RARB: variants seen among roughly 807,000 people sequenced by gnomAD.
RARB encodes HBV-activated protein.
In RARB, 17 loss-of-function variants were observed where a neutral mutation model predicts 51.9. The ratio of observed to expected loss-of-function variants is 0.33; its 90% CI spans 0.22 to 0.49. The LOEUF (loss-of-function observed/expected upper bound fraction) is 0.49, where lower values mean the gene tolerates loss of function less well. Among genes scored for constraint, RARB ranks in the 20% least tolerant of loss-of-function variants. The pLI, the probability that RARB is intolerant of heterozygous loss-of-function variation, is 0.99. For missense variants in RARB, 369 were observed against 550.8 expected (o/e 0.67, Z 3.30); for synonymous variants, 215 against 195.4 (o/e 1.10, Z -0.84).
At chr3:25,007,989 TAAAATA>T (rs1429129076) in intron 2 of RARB, among the ~76,000 whole-genome samples, 1 of 152,156 alleles carries the variant, frequency 6.6e-6, no homozygotes, top group African/African-American at 2.4e-5. Flanking sequence ...GTGGGTATGT[TAAAATA>T]AGAAAAGGTA....
chr3:24,939,548 C>T (rs1183069030), intron 2 of RARB, among the ~76,000 whole-genome samples: 1 of 152,164 alleles, frequency 6.6e-6, no homozygotes, highest in Admixed American at 6.5e-5. Context: ...AAAAGGCAAA[C>T]TCTTTTTAAA....
chr3:25,362,894 G>T (rs1261706574), intron 5 of RARB, among the ~76,000 whole-genome samples: 1 of 152,184 alleles, frequency 6.6e-6, no homozygotes, highest in African/African-American at 2.4e-5. Context: ...TCTGGGAGCT[G>T]CAGACTGGAG....
chr3:25,007,459 C>G (rs140990132), intron 2 of RARB, among the ~76,000 whole-genome samples: 1 of 151,692 alleles, frequency 6.6e-6, no homozygotes, highest in Non-Finnish European at 1.5e-5. Context: ...AACCCCATCT[C>G]TACTAAAAAA....
intron 1 of RARB, among the ~76,000 whole-genome samples, chr3:24,850,885 ACAT>A (rs1397779125): frequency 1.3e-5 from 2 of 152,240 alleles, no homozygotes; most frequent in African/African-American, 4.8e-5. Flanking sequence ...GCAAGGAACT[ACAT>A]CAGCAGATAT....
At chr3:25,106,473 G>GTTTTTTTT (rs1366761121) in intron 3 of RARB, among the ~76,000 whole-genome samples, 13 of 111,694 alleles carry the variant, frequency 1.2e-4, no homozygotes, top group African/African-American at 4.4e-4. Flanking sequence ...TTTTTGTTTT[G>GTTTTTTTT]TTTTTTTTTT....
chr3:25,404,924 A>T (rs542839976), intron 5 of RARB, among the ~76,000 whole-genome samples: 89 of 152,188 alleles, frequency 5.8e-4, no homozygotes, highest in Non-Finnish European at 1.1e-3. Flanking sequence ...CTCATGCCCA[A>T]TCAGCATTTA....
chr3:25,285,907 C>CATCT (rs1703638867), intron 5 of RARB, among the ~76,000 whole-genome samples: 1 of 151,748 alleles, frequency 6.6e-6, no homozygotes, highest in African/African-American at 2.4e-5. Context: ...CATACAAATA[C>CATCT]ATCTACACAT....
chr3:25,189,362 C>T (rs925321477), intron 5 of RARB, among the ~76,000 whole-genome samples: 2 of 152,090 alleles, frequency 1.3e-5, no homozygotes, highest in Non-Finnish European at 2.9e-5. Flanking sequence ...TTTTCCTTAG[C>T]CAAAGATTTT....
chr3:24,979,409 A>C (rs1156868182), intron 2 of RARB, among the ~76,000 whole-genome samples: 1 of 152,082 alleles, frequency 6.6e-6, no homozygotes, highest in Non-Finnish European at 1.5e-5. Context: ...TGCTTTATGA[A>C]TCCGGATGCT....
chr3:25,374,697 T>A (rs1706403239), intron 5 of RARB, among the ~76,000 whole-genome samples: 1 of 152,078 alleles, frequency 6.6e-6, no homozygotes, highest in African/African-American at 2.4e-5. Context: ...GAATGGAGAG[T>A]AGATCATAGA....
intron 5 of RARB, among the ~76,000 whole-genome samples, chr3:25,369,816 G>A (rs1337056365): frequency 2.0e-5 from 3 of 152,144 alleles, no homozygotes; most frequent in Non-Finnish European, 4.4e-5. Context: ...CAGCTACTAG[G>A]GAGGCTGAGG....
intron 4 of RARB, among the ~76,000 whole-genome samples, chr3:25,136,257 G>C (rs1329243121): frequency 2.6e-5 from 4 of 151,976 alleles, no homozygotes; most frequent in Non-Finnish European, 4.4e-5. Context: ...AGTATGTGCA[G>C]GTTGAATTGC....
intron 2 of RARB, among the ~76,000 whole-genome samples, chr3:24,939,477 A>G (rs1695614692): frequency 6.6e-6 from 1 of 152,340 alleles, no homozygotes; most frequent in Admixed American, 6.5e-5. Context: ...ATTCTCTTGT[A>G]TATTACAATA....
intron 5 of RARB, among the ~76,000 whole-genome samples, chr3:25,419,946 A>G (rs1707811983): frequency 6.6e-6 from 1 of 152,206 alleles, no homozygotes; most frequent in Non-Finnish European, 1.5e-5. Context: ...TTTGGAAGCC[A>G]CCATGATATC....
intron 5 of RARB, among the ~76,000 whole-genome samples, chr3:25,414,602 A>G (rs1243879428): frequency 2.6e-5 from 4 of 152,196 alleles, no homozygotes; most frequent in African/African-American, 7.2e-5. Flanking sequence ...AGCAATTCCA[A>G]TAGGTATGTA....
At chr3:25,372,610 C>G (rs867073293) in intron 5 of RARB, among the ~76,000 whole-genome samples, 16 of 152,228 alleles carry the variant, frequency 1.1e-4, no homozygotes, top group African/African-American at 3.6e-4. Context: ...TAGCTTTAGC[C>G]CAGGAGTCTG....
In RARB at chr3:25,125,373, C is replaced by T. The variant is rs992660238; in HGVS notation, c.-327-6788C>T. ...GTATTTATTGGAGAGCAAATCAGAG[C>T]AGCCTCTGTTCTCATGAGGACCGTT... On this transcript the variant is annotated intron_variant, in intron 3 of 11. Coordinates refer to the RARB transcript ENST00000383772. Among the ~76,000 whole-genome samples, 22 of 152,278 alleles carry T rather than the reference C, an allele frequency of 1.4e-4. No individual in the cohort carries two copies. The East Asian group carries it at 4.1e-3, about 28-fold the overall frequency.
chr3:25,301,719 CCTGTCCCTAA>C (rs1704042999), intron 5 of RARB, among the ~76,000 whole-genome samples: 1 of 152,188 alleles, frequency 6.6e-6, no homozygotes, highest in Admixed American at 6.6e-5. Context: ...ACCCTGTGCT[CCTGTCCCTAA>C]CATCTGAGGC....
chr3:25,583,677 G>C (rs547571060), intron 5 of RARB, among the ~76,000 whole-genome samples: 6 of 152,302 alleles, frequency 3.9e-5, no homozygotes, highest in African/African-American at 1.4e-4. Flanking sequence ...CCTTCCAGGG[G>C]AATTTCCCAT....
Sources: allele counts gnomAD v4.1 joint callset (sites outside exome capture counted in the v4.1 genomes callset), GRCh38; gene constraint gnomAD v4.1.1; transcripts MANE v1.5; gene names NCBI Gene and HGNC (gene_info 2026-07-23, HGNC 2026-07-21).